The following MTMR7 variants were observed in gnomAD, a reference collection of about 807,000 sequenced individuals.
MTMR7 encodes the protein phosphatidylinositol-3-phosphate phosphatase MTMR7.
MTMR7 carries 76 observed loss-of-function variants against 81.2 expected under a neutral mutation model. The observed-to-expected ratio is 0.94, with a 90% CI of 0.78 to 1.13. The LOEUF is 1.13. Ranked by LOEUF, MTMR7 falls within the 50% of genes most tolerant of loss-of-function variation. The pLI is 0.00. For missense variants in MTMR7, 1,044 were observed against 820.0 expected (o/e 1.27, Z -3.34); for synonymous variants, 372 against 289.8 (o/e 1.28, Z -2.88).
At chr8:17,363,930 C>T (rs1392870470) in intron 3 of MTMR7, among the ~76,000 whole-genome samples, 2 of 127,126 alleles carry the variant, frequency 1.6e-5, no homozygotes, top group African/African-American at 5.7e-5. Flanking sequence ...TAGGGCTTGA[C>T]AATCCTTTTT....
At chr8:17,375,407 C>T (rs1041579606) in intron 1 of MTMR7, among the ~76,000 whole-genome samples, 3 of 151,712 alleles carry the variant, frequency 2.0e-5, no homozygotes, top group Admixed American at 6.6e-5. Flanking sequence ...TGTGAAATTC[C>T]TGAGGACTTG....
chr8:17,396,617 C>A (rs925751395), intron 1 of MTMR7, among the ~76,000 whole-genome samples: 35 of 152,072 alleles, frequency 2.3e-4, no homozygotes, highest in African/African-American at 8.5e-4. Context: ...CTAAAGTGCT[C>A]CCAGGTCCTC....
intron 4 of MTMR7, among the ~76,000 whole-genome samples, chr8:17,360,022 T>C (rs566970135): frequency 1.3e-5 from 2 of 152,292 alleles, no homozygotes; most frequent in Non-Finnish European, 2.9e-5. Flanking sequence ...AAAATAGTGA[T>C]GAGTAATGAC....
intron 7 of MTMR7, among the ~76,000 whole-genome samples, chr8:17,316,464 TAAAA>T (rs3040963): frequency 8.4e-5 from 12 of 143,458 alleles, no homozygotes; most frequent in Admixed American, 1.4e-4. Flanking sequence ...AACAGTACAG[TAAAA>T]AAAAAAAAAA....
intron 3 of MTMR7, among the ~76,000 whole-genome samples, chr8:17,370,364 T>C (rs1008329270): frequency 6.6e-6 from 1 of 150,952 alleles, no homozygotes; most frequent in Non-Finnish European, 1.5e-5. Flanking sequence ...CTACTAAAAA[T>C]ACAAAAATTA....
chr8:17,372,875 T>C (rs898782503), intron 2 of MTMR7: 14 of 396,824 alleles, frequency 3.5e-5, no homozygotes, highest in African/African-American at 2.6e-4. Context: ...GAAGCACTTG[T>C]ATCTTCTGGC....
intron 2 of MTMR7, 46 bp downstream of exon 2, chr8:17,373,072 T>C: frequency 6.2e-7 from 1 of 1,605,342 alleles, no homozygotes; most frequent in Non-Finnish European, 8.5e-7. Flanking sequence ...CACTTTTTGC[T>C]TCAAACAACG....
At chr8:17,366,796 G>A (rs563093873) in intron 3 of MTMR7, among the ~76,000 whole-genome samples, 2 of 150,902 alleles carry the variant, frequency 1.3e-5, no homozygotes, top group Non-Finnish European at 2.9e-5. Flanking sequence ...TGAGGCAGAA[G>A]AATGGCATGA....
intron 4 of MTMR7, among the ~76,000 whole-genome samples, chr8:17,352,543 C>T (rs555743088): frequency 2.0e-5 from 3 of 152,088 alleles, no homozygotes; most frequent in African/African-American, 7.2e-5. Context: ...GGAGTTGGCA[C>T]TGATTTATTA....
intron 9 of MTMR7, among the ~76,000 whole-genome samples, chr8:17,310,473 C>G (rs1817723973): frequency 6.6e-6 from 1 of 152,112 alleles, no homozygotes; most frequent in Non-Finnish European, 1.5e-5. Flanking sequence ...ACAATGAGAA[C>G]AAGTTGATGA....
chr8:17,338,600 G>A (rs550217349), intron 6 of MTMR7: 5 of 152,284 alleles, frequency 3.3e-5, no homozygotes, highest in African/African-American at 1.2e-4. Flanking sequence ...GAAGAGGTGG[G>A]AAGGCAGTCA....
In MTMR7 at chr8:17,337,237, C is replaced by T. The variant is rs540741846; in HGVS notation, c.732+4126G>A. Among the ~76,000 whole-genome samples, 6 of 151,956 alleles carry T rather than the reference C, an allele frequency of 3.9e-5. No individual in the cohort carries two copies. In the South Asian group the frequency reaches 1.2e-3, roughly 32 times the overall value. On this transcript the variant is annotated intron_variant, in intron 6 of 13. Transcript: ENST00000180173. ...AAAATTAGCCGGGCGTGGTGGCGGG[C>T]ACCTGTAAACCCAGCTACTCGGGAG...
intron 7 of MTMR7, among the ~76,000 whole-genome samples, chr8:17,315,818 C>T (rs1265516451): frequency 6.6e-6 from 1 of 152,060 alleles, no homozygotes; most frequent in Non-Finnish European, 1.5e-5. Flanking sequence ...TCAAGAACAG[C>T]CTATATAAAG....
chr8:17,317,088 G>A (rs1316400348), intron 7 of MTMR7, among the ~76,000 whole-genome samples: 2 of 152,130 alleles, frequency 1.3e-5, no homozygotes, highest in African/African-American at 4.8e-5. Flanking sequence ...TTTCTTCTCT[G>A]AATGTTGTTT....
In MTMR7 at chr8:17,348,971, G is replaced by C. The variant is rs758452565; in HGVS notation, c.579C>G (p.Tyr193Ter). The change falls in exon 5 of 14, where the codon TAC becomes TAG. Residue 193 changes from tyrosine to a stop codon, truncating the protein, a stop_gained. Coordinates refer to ENST00000180173, the MANE Select transcript of MTMR7 (RefSeq NM_004686.5). LOFTEE classifies it high-confidence loss of function. ...RSRRRFPVLS[Y>*]YYKDNHASIC... The stretch of plus-strand genomic sequence containing the variant: ...GACTTACGTGGTTATCTTTATAATA[G>C]TAAGAAAGGACAGGAAATCGCCGTC... 5.0e-6 allele frequency: 8 copies of C among 1,613,638 alleles called. No individual in the cohort carries two copies. The highest frequency in any genetic ancestry group is 5.9e-6 in the Non-Finnish European group (7 of 1,179,940).
chr8:17,413,281 G>C lies in MTMR7; in HGVS notation c.12C>G (p.Ile4Met). Residue 4 changes from isoleucine (I) to methionine (M), a missense_variant, in exon 1 of 14, where the codon ATC (isoleucine) becomes ATG (methionine). By Grantham distance (10) the Ile-to-Met change is conservative. Coordinates refer to ENST00000180173, the MANE Select transcript of MTMR7 (RefSeq NM_004686.5). ...TGGTGTCACCAACCTTGGGCGTACG[G>C]ATGTGCTCCATGGCTGGCCCACGTC... MEHIRTPKVENVRL... is the reference protein window; with the variant it reads MEHMRTPKVENVRL... 1.9e-6 allele frequency: 3 copies of C among 1,547,374 alleles called. No homozygotes were observed. The highest frequency in any genetic ancestry group is 2.4e-5 in the South Asian group (2 of 83,940).
intron 2 of MTMR7, among the ~76,000 whole-genome samples, chr8:17,371,965 A>G (rs957569382): frequency 2.0e-5 from 3 of 150,934 alleles, no homozygotes; most frequent in African/African-American, 7.3e-5. Flanking sequence ...ATAGATTTCC[A>G]GACTTTTCCT....
chr8:17,300,166 C>G lies in MTMR7; in HGVS notation c.1679G>C (p.Ser560Thr). The G allele has an allele frequency of 6.2e-7, 1 of 1,614,102 alleles. No homozygotes were observed. Among genetic ancestry groups the G allele is most frequent in the Non-Finnish European group, 8.5e-7 (1 of 1,179,982 alleles). Residue 560 changes from serine to threonine, a missense_variant, in exon 14 of 14, where the codon AGT becomes ACT. By Grantham distance (58) the Ser-to-Thr change is moderately conservative. Transcript: ENST00000180173. ...AAACCCTGAGTGCTTGCTGGGCTCA[C>G]TTTGCTTACTCTTCACCTTAGTGCA... is the stretch of plus-strand genomic sequence containing the variant. Reference protein sequence around the residue: ...LNCTKVKSKQSEPSKHSGFST... With the variant: ...LNCTKVKSKQTEPSKHSGFST...
At chr8:17,307,597 A>T (rs187870100) in intron 10 of MTMR7, among the ~76,000 whole-genome samples, 10 of 152,296 alleles carry the variant, frequency 6.6e-5, no homozygotes, top group African/African-American at 2.2e-4. Context: ...GAATGTTTAT[A>T]GCGGCACTAT....
Sources: allele counts gnomAD v4.1 joint callset (sites outside exome capture counted in the v4.1 genomes callset), GRCh38; gene constraint gnomAD v4.1.1; transcripts MANE v1.5; gene names NCBI Gene and HGNC (gene_info 2026-07-23, HGNC 2026-07-21).